The following CTNNA2 variants were observed in gnomAD, a reference collection of about 807,000 sequenced individuals.
CTNNA2 encodes catenin alpha-2.
Under a neutral mutation model 101.0 loss-of-function variants are expected in CTNNA2, and 42 were observed. The observed-to-expected ratio is 0.42, with a 90% CI of 0.32 to 0.54. The LOEUF (loss-of-function observed/expected upper bound fraction) is 0.54. CTNNA2 is among the 20% of genes least tolerant of loss of function. The pLI is 0.14. For missense variants in CTNNA2, 871 were observed against 1,223.1 expected, an observed-to-expected ratio of 0.71 and a Z score of 4.29; for synonymous variants, 450 against 456.4, an observed-to-expected ratio of 0.99 and a Z score of 0.18.
At chr2:80,105,243 C>T (rs952621845) in intron 7 of CTNNA2, among the ~76,000 whole-genome samples, 16 of 152,274 alleles carry the variant, frequency 1.1e-4, no homozygotes, top group African/African-American at 3.8e-4. Context: ...TCCAGGCCTA[C>T]ACGTGACAGG....
intron 2 of CTNNA2, among the ~76,000 whole-genome samples, chr2:79,294,646 C>G (rs1421369754): frequency 1.3e-5 from 2 of 152,114 alleles, no homozygotes; most frequent in African/African-American, 4.8e-5. Flanking sequence ...TATAGATTAT[C>G]AGAAGGAATA....
chr2:80,163,111 C>A, intron 7 of CTNNA2: 2 of 1,579,136 alleles, frequency 1.3e-6, no homozygotes, highest in Non-Finnish European at 1.7e-6. Context: ...GGTTTACCAT[C>A]CTTATCTTTT....
intron 4 of CTNNA2, among the ~76,000 whole-genome samples, chr2:79,473,676 A>G (rs1338104066): frequency 6.6e-6 from 1 of 152,174 alleles, no homozygotes; most frequent in African/African-American, 2.4e-5. Context: ...AAATGGAGAA[A>G]AAGAAAAAGT....
intron 1 of CTNNA2, among the ~76,000 whole-genome samples, chr2:79,593,656 T>C (rs899602150): frequency 3.9e-5 from 6 of 152,136 alleles, no homozygotes; most frequent in African/African-American, 1.4e-4. Flanking sequence ...GCAGTGTGGC[T>C]GAAATGCTGA....
At chr2:80,121,300 A>T (rs1701818631) in intron 7 of CTNNA2, among the ~76,000 whole-genome samples, 1 of 152,214 alleles carries the variant, frequency 6.6e-6, no homozygotes, top group Admixed American at 6.5e-5. Context: ...AACAAGTCAC[A>T]TATGTTCTCT....
intron 2 of CTNNA2, among the ~76,000 whole-genome samples, chr2:79,311,114 C>T (rs940616940): frequency 6.6e-6 from 1 of 152,300 alleles, no homozygotes; most frequent in African/African-American, 2.4e-5. Context: ...GTCCAAATTA[C>T]TTAGTTGGTG....
chr2:80,170,219 C>T, intron 7 of CTNNA2, among the ~76,000 whole-genome samples: 1 of 150,892 alleles, frequency 6.6e-6, no homozygotes, highest in Non-Finnish European at 1.5e-5. Context: ...ATCTCTCTCT[C>T]TCTCTCTCTC....
chr2:79,288,330 C>G (rs1377497199), intron 2 of CTNNA2, among the ~76,000 whole-genome samples: 1 of 152,226 alleles, frequency 6.6e-6, no homozygotes, highest in Non-Finnish European at 1.5e-5. Context: ...TTATCCATCT[C>G]TGCATAGTAA....
intron 2 of CTNNA2, among the ~76,000 whole-genome samples, chr2:79,683,474 A>G (rs905711333): frequency 6.6e-6 from 1 of 152,206 alleles, no homozygotes; most frequent in African/African-American, 2.4e-5. Flanking sequence ...CAAAACACCT[A>G]CTGGCCTCTT....
chr2:79,662,131 G>A (rs540392300), intron 2 of CTNNA2, among the ~76,000 whole-genome samples: 14 of 151,830 alleles, frequency 9.2e-5, no homozygotes, highest in South Asian at 2.1e-4. Flanking sequence ...TGTTTGTATC[G>A]CCTAATCTTT....
chr2:79,977,067 T>A (rs1690901049), intron 7 of CTNNA2, among the ~76,000 whole-genome samples: 1 of 152,162 alleles, frequency 6.6e-6, no homozygotes, highest in Admixed American at 6.5e-5. Context: ...ACTTAAATGT[T>A]CTACATATAT....
At chr2:80,550,229 T>A (rs1326304924) in intron 11 of CTNNA2, among the ~76,000 whole-genome samples, 2 of 152,212 alleles carry the variant, frequency 1.3e-5, no homozygotes, top group Non-Finnish European at 1.5e-5. Flanking sequence ...GTTTAAAAAC[T>A]GTACATACCT....
intron 7 of CTNNA2, among the ~76,000 whole-genome samples, chr2:80,157,335 A>G (rs948370473): frequency 2.6e-5 from 4 of 152,190 alleles, no homozygotes; most frequent in East Asian, 1.9e-4. Flanking sequence ...TTCTTTGACA[A>G]TTCTCAGTAA....
chr2:80,606,496 A>C (rs1321615923), intron 16 of CTNNA2, among the ~76,000 whole-genome samples: 1 of 151,754 alleles, frequency 6.6e-6, no homozygotes, highest in African/African-American at 2.4e-5. Flanking sequence ...TAAACGGATT[A>C]AGTTTAAACC....
chr2:80,404,969 A>G (rs2149385156), intron 8 of CTNNA2, among the ~76,000 whole-genome samples: 1 of 152,346 alleles, frequency 6.6e-6, no homozygotes. Context: ...CCAGAGACGT[A>G]CAAATATTAA....
chr2:80,344,920 T>A (rs1672594539), intron 7 of CTNNA2, among the ~76,000 whole-genome samples: 1 of 152,312 alleles, frequency 6.6e-6, no homozygotes, highest in East Asian at 1.9e-4. Flanking sequence ...TCTAATCTAT[T>A]AGCAAACTCT....
intron 9 of CTNNA2, among the ~76,000 whole-genome samples, chr2:80,509,502 A>C (rs575574605): frequency 1.3e-5 from 2 of 152,304 alleles, no homozygotes; most frequent in Non-Finnish European, 2.9e-5. Context: ...GTTATCTAAC[A>C]TATTGAGCTC....
chr2:80,636,001 T>C (rs1441999091), intron 18 of CTNNA2, among the ~76,000 whole-genome samples: 1 of 149,488 alleles, frequency 6.7e-6, no homozygotes, highest in African/African-American at 2.5e-5. Flanking sequence ...GATATATATC[T>C]TCTTGCCTTT....
intron 1 of CTNNA2, among the ~76,000 whole-genome samples, chr2:79,636,495 AAGACC>A (rs1315428692): frequency 2.0e-5 from 3 of 151,918 alleles, no homozygotes; most frequent in Non-Finnish European, 4.4e-5. Flanking sequence ...AGGGTACAAG[AAGACC>A]AGGAGAGTAT....
Sources: allele counts gnomAD v4.1 joint callset (sites outside exome capture counted in the v4.1 genomes callset), GRCh38; gene constraint gnomAD v4.1.1; transcripts MANE v1.5; gene names NCBI Gene and HGNC (gene_info 2026-07-23, HGNC 2026-07-21).